Variants in LMBR1 observed in about 807,000 individuals in gnomAD.
The protein encoded by LMBR1 is limb region 1 protein homolog.
LMBR1 carries 52 observed loss-of-function variants against 73.9 expected under a neutral mutation model. The observed-to-expected ratio is 0.70, with a 90% CI of 0.56 to 0.89. LMBR1 has a LOEUF of 0.89. Among genes scored for constraint, LMBR1 ranks in the 40% least tolerant of loss-of-function variants. The pLI is 0.00. For missense variants in LMBR1, 539 were observed against 579.8 expected (o/e 0.93, Z 0.72); for synonymous variants, 215 against 209.4 (o/e 1.03, Z -0.23).
At chr7:156,793,965 C>T (rs1829670066) in intron 5 of LMBR1, among the ~76,000 whole-genome samples, 3 of 151,760 alleles carry the variant, frequency 2.0e-5, no homozygotes, top group Admixed American at 6.6e-5. Context: ...CACCATCTTC[C>T]GCTGGCCTCT....
At chr7:156,671,897 G>A (rs1056346176) in intron 4 of LMBR1, among the ~76,000 whole-genome samples, 1 of 152,048 alleles carries the variant, frequency 6.6e-6, no homozygotes, top group Non-Finnish European at 1.5e-5. Context: ...TCTAAATAAC[G>A]TATTAATCGA....
intron 9 of LMBR1, among the ~76,000 whole-genome samples, chr7:156,753,707 T>C (rs1019010341): frequency 3.3e-5 from 5 of 152,058 alleles, no homozygotes; most frequent in African/African-American, 9.7e-5. Context: ...CCATTAGTCC[T>C]GACAGTCCCA....
chr7:156,834,547 C>A, intron 2 of LMBR1: 1 of 315,284 alleles, frequency 3.2e-6, no homozygotes. Flanking sequence ...AGGCTACAGT[C>A]AGCCATGATT....
chr7:156,674,915 T>C (rs958363091), downstream of LMBR1, among the ~76,000 whole-genome samples: 2 of 152,230 alleles, frequency 1.3e-5, no homozygotes, highest in African/African-American at 4.8e-5. Flanking sequence ...ATTTCAAATG[T>C]GTTCCTGCTA....
intron 2 of LMBR1, among the ~76,000 whole-genome samples, chr7:156,834,802 T>C (rs73166191): frequency 0.04 from 6,087 of 152,024 alleles, 177 homozygotes; most frequent in Non-Finnish European, 0.049. Flanking sequence ...GCAATCTCTT[T>C]TGTCCTCCCA....
At chr7:156,834,554 G>A (rs1396115734) in intron 2 of LMBR1, 1 of 314,860 alleles carries the variant, frequency 3.2e-6, no homozygotes, top group Non-Finnish European at 6.5e-6. Context: ...AGTCAGCCAT[G>A]ATTGCCCCAC....
intron 15 of LMBR1, among the ~76,000 whole-genome samples, chr7:156,691,251 C>T (rs550396647): frequency 4.6e-5 from 7 of 152,216 alleles, no homozygotes; most frequent in Middle Eastern, 3.4e-3. Context: ...AAGTAAAATA[C>T]ACACCAGGCA....
intron 5 of LMBR1, among the ~76,000 whole-genome samples, chr7:156,782,748 T>C (rs1467378266): frequency 6.6e-6 from 1 of 152,204 alleles, no homozygotes; most frequent in African/African-American, 2.4e-5. Flanking sequence ...TTTTGCCATA[T>C]TGGCCGGGCT....
intron 4 of LMBR1, among the ~76,000 whole-genome samples, chr7:156,808,893 C>T (rs982032221): frequency 5.3e-5 from 8 of 152,130 alleles, no homozygotes; most frequent in African/African-American, 1.9e-4. Context: ...AAAAAGATAA[C>T]ACTTCACGTA....
At position 156,826,668 on chromosome 7, in the gene LMBR1, C is replaced by T. The variant is rs1337917129; in HGVS notation, c.256G>A (p.Glu86Lys). The change falls in exon 4 of 17, where the codon GAA (glutamate) becomes AAA (lysine). Residue 86 changes from glutamate to lysine, a missense_variant. Transcript: ENST00000353442. ...TTCTGAGGAAAAGAAAGCAGGATTT[C>T]ATTGCTGATGATTGAGAAGGGTAAA... ...LLLPFSIISNEILLSFPQNYY... is the reference protein window; with the variant it reads ...LLLPFSIISNKILLSFPQNYY... 1 of 1,608,366 alleles carries T rather than the reference C, an allele frequency of 6.2e-7. No homozygotes were observed. Among genetic ancestry groups the T allele is most frequent in the Non-Finnish European group, 8.5e-7 (1 of 1,176,948 alleles).
At chr7:156,868,403 C>A (rs962031424) in intron 1 of LMBR1, among the ~76,000 whole-genome samples, 9 of 152,002 alleles carry the variant, frequency 5.9e-5, no homozygotes, top group African/African-American at 2.2e-4. Context: ...AGGCCGGGCA[C>A]GGTGGCTCAC....
At chr7:156,819,634 T>C (rs935818767) in intron 4 of LMBR1, among the ~76,000 whole-genome samples, 2 of 152,214 alleles carry the variant, frequency 1.3e-5, no homozygotes, top group Non-Finnish European at 2.9e-5. Context: ...ATATTAGTGA[T>C]ATAACTGTGC....
At chr7:156,793,272 TACA>T (rs1829541836) in intron 5 of LMBR1, among the ~76,000 whole-genome samples, 1 of 152,200 alleles carries the variant, frequency 6.6e-6, no homozygotes, top group African/African-American at 2.4e-5. Context: ...TACAGAAATA[TACA>T]ACATGAAAGG....
intron 9 of LMBR1, among the ~76,000 whole-genome samples, chr7:156,735,579 T>C (rs947491794): frequency 2.0e-5 from 3 of 151,656 alleles, no homozygotes; most frequent in African/African-American, 7.3e-5. Context: ...CAATTGTATT[T>C]GACTGCTGAG....
chr7:156,846,158 G>A (rs1037672198), intron 1 of LMBR1, among the ~76,000 whole-genome samples: 2 of 152,014 alleles, frequency 1.3e-5, no homozygotes, highest in Admixed American at 6.6e-5. Flanking sequence ...TGTAGTGCCA[G>A]CTACTCAGGA....
chr7:156,892,592 A>T, intron 1 of LMBR1: 2 of 210,044 alleles, frequency 9.5e-6, no homozygotes, highest in Non-Finnish European at 9.5e-6. Context: ...CGCGCACCGC[A>T]GCCCTCCCCG....
At chr7:156,847,441 A>G (rs79822302) in intron 1 of LMBR1, among the ~76,000 whole-genome samples, 1 of 152,344 alleles carries the variant, frequency 6.6e-6, no homozygotes, top group African/African-American at 2.4e-5. Flanking sequence ...TTGATAAGCT[A>G]GACTTTACTA....
chr7:156,871,821 C>T (rs572952200), intron 1 of LMBR1, among the ~76,000 whole-genome samples: 28 of 152,034 alleles, frequency 1.8e-4, no homozygotes, highest in Admixed American at 1.8e-3. Flanking sequence ...TATGAAAAGC[C>T]CACAGCTATC....
chr7:156,734,546 G>A (rs748641411), intron 9 of LMBR1, among the ~76,000 whole-genome samples: 4 of 152,128 alleles, frequency 2.6e-5, no homozygotes, highest in African/African-American at 7.2e-5. Flanking sequence ...TGGGTACAAC[G>A]TATGCTACTC....
Sources: gnomAD v4.1 joint callset for allele counts (sites outside exome capture counted in the v4.1 genomes callset) on GRCh38, gnomAD v4.1.1 for gene constraint, MANE v1.5 for transcripts, NCBI Gene and HGNC (gene_info 2026-07-23, HGNC 2026-07-21) for gene names.